The following DNAH12 variants were observed in gnomAD, a reference collection of about 807,000 sequenced individuals.
DNAH12 encodes axonemal beta dynein heavy chain 12.
DNAH12 carries 285 observed loss-of-function variants against 371.5 expected under a neutral mutation model. That is an observed-to-expected ratio of 0.77 (90% confidence interval 0.70 to 0.85). The LOEUF is 0.85. Ranked by LOEUF, DNAH12 falls within the 40% of genes least tolerant of loss-of-function variation. DNAH12 has a pLI of 0.00. For missense variants in DNAH12, 3,611 were observed against 3,689.4 expected (o/e 0.98, Z 0.55); for synonymous variants, 1,200 against 1,213.0 (o/e 0.99, Z 0.22).
At chr3:57,517,914 C>T (rs144846282) in intron 4 of DNAH12, among the ~76,000 whole-genome samples, 6 of 152,122 alleles carry the variant, frequency 3.9e-5, no homozygotes, top group African/African-American at 7.2e-5. Context: ...ATTATCCAAG[C>T]GTGGTGCCTC....
Position 57,298,011 on chromosome 3 carries a change from T to C in DNAH12, c.11395-1027A>G, listed in dbSNP as rs186319907. ...GTATTTTCAGTTCTATTATATCTCTTTTACTTCCTTTCAGGCATCCTGCAT... is the reference window on the plus strand; with the variant it reads ...GTATTTTCAGTTCTATTATATCTCTCTTACTTCCTTTCAGGCATCCTGCAT... On this transcript the variant is annotated intron_variant, in intron 70 of 73. Coordinates refer to ENST00000495027, the MANE Select transcript of DNAH12 (RefSeq NM_001366028.2). 1.9e-3 allele frequency among the ~76,000 whole-genome samples: 287 copies of C among 152,326 alleles called. 3 individuals are homozygous for C. The highest frequency in any genetic ancestry group is 0.014 in the Middle Eastern group (4 of 294).
intron 58 of DNAH12, among the ~76,000 whole-genome samples, chr3:57,362,543 T>C (rs1036607952): frequency 2.6e-5 from 4 of 152,212 alleles, no homozygotes; most frequent in African/African-American, 7.2e-5. Flanking sequence ...TTCCTGACTT[T>C]TTAATGATCG....
the DNAH12 span, among the ~76,000 whole-genome samples, chr3:57,554,668 T>A: frequency 6.6e-6 from 1 of 152,014 alleles, no homozygotes; most frequent in Non-Finnish European, 1.5e-5. Context: ...CAGGCTGGAG[T>A]GCAATGGCAT....
At chr3:57,308,667 C>A (rs566744767) in intron 69 of DNAH12, among the ~76,000 whole-genome samples, 2 of 152,246 alleles carry the variant, frequency 1.3e-5, no homozygotes, top group South Asian at 2.1e-4. Context: ...TCCAAGCCAT[C>A]ACAGCTGATA....
chr3:57,433,973 A>G, intron 30 of DNAH12, 145 bp from the exon 31 acceptor site: 1 of 678,308 alleles, frequency 1.5e-6, no homozygotes, highest in Non-Finnish European at 2.2e-6. Context: ...AAGAAAACAT[A>G]TTTAATTTCT....
At chr3:57,322,505 G>C (rs924986426) in intron 64 of DNAH12, 22 bp from the exon 65 acceptor site, 5 of 1,546,316 alleles carry the variant, frequency 3.2e-6, no homozygotes, top group Non-Finnish European at 4.4e-6. Context: ...TAAATGGAGA[G>C]CATTATACAA....
At chr3:57,506,937 T>C (rs1193818847) in intron 8 of DNAH12, among the ~76,000 whole-genome samples, 2 of 151,922 alleles carry the variant, frequency 1.3e-5, no homozygotes, top group Admixed American at 1.3e-4. Context: ...TCCTCATCTC[T>C]TTACTTTTAT....
At chr3:57,470,851 T>C (rs1221152112) in intron 15 of DNAH12, among the ~76,000 whole-genome samples, 3 of 152,110 alleles carry the variant, frequency 2.0e-5, no homozygotes, top group South Asian at 2.1e-4. Context: ...GGACTACAGA[T>C]GCGGACCACC....
intron 12 of DNAH12, among the ~76,000 whole-genome samples, chr3:57,488,937 A>ACT (rs2067025664): frequency 1.3e-5 from 2 of 150,008 alleles, no homozygotes; most frequent in African/African-American, 4.9e-5. Flanking sequence ...AGAAATCCAA[A>ACT]GTGTGTGTGT....
chr3:57,355,776 G>A (rs1053301290), intron 59 of DNAH12, among the ~76,000 whole-genome samples: 1 of 151,956 alleles, frequency 6.6e-6, no homozygotes, highest in Non-Finnish European at 1.5e-5. Flanking sequence ...AACTGAGAAG[G>A]GATTTCAATC....
Position 57,445,406 on chromosome 3 carries a change from G to A in DNAH12, c.4193C>T (p.Thr1398Ile), listed in dbSNP as rs1382123351. The stretch of plus-strand genomic sequence containing the variant: ...ATAGTTTGGAACCATCATAGCCACT[G>A]TTCTAAAAAGAACCTGAAGTATAAA... ...LPDNLKVLFRTVAMMVPNYAL... is the reference protein window; with the variant it reads ...LPDNLKVLFRIVAMMVPNYAL... The change falls in exon 28 of 74, where the codon ACA becomes ATA. Residue 1398 changes from threonine to isoleucine, a missense_variant. Transcript: ENST00000495027. 1 of 1,520,648 alleles carries A rather than the reference G, an allele frequency of 6.6e-7. No homozygotes were observed. The highest frequency in any genetic ancestry group is 2.5e-5 in the East Asian group (1 of 40,664). 94.2% of individuals were successfully genotyped at this position (1,520,648 alleles called of 1,614,324 possible).
chr3:57,351,951 C>T (rs1363336498), intron 60 of DNAH12, 134 bp downstream of exon 60: 14 of 865,798 alleles, frequency 1.6e-5, no homozygotes, highest in Non-Finnish European at 2.3e-5. Context: ...CCATTGTTAT[C>T]AGTGAAATGC....
At chr3:57,307,160 G>A (rs1003238139) in intron 69 of DNAH12, among the ~76,000 whole-genome samples, 6 of 152,110 alleles carry the variant, frequency 3.9e-5, no homozygotes, top group Non-Finnish European at 7.3e-5. Flanking sequence ...GATCGTGTCC[G>A]ACTGATCTCT....
At chr3:57,344,769 C>T (rs1368355074) in intron 60 of DNAH12, among the ~76,000 whole-genome samples, 2 of 152,026 alleles carry the variant, frequency 1.3e-5, no homozygotes, top group Non-Finnish European at 2.9e-5. Context: ...AAAAGTAGAA[C>T]AGAGTATACT....
At chr3:57,457,492 A>G (rs1359252105) in intron 22 of DNAH12, among the ~76,000 whole-genome samples, 2 of 152,152 alleles carry the variant, frequency 1.3e-5, no homozygotes, top group East Asian at 3.8e-4. Flanking sequence ...TCTAAATTAT[A>G]TACCTCTTAT....
At chr3:57,415,365 A>G (rs2064335994) in intron 38 of DNAH12, 61 bp downstream of exon 38, 1 of 1,519,692 alleles carries the variant, frequency 6.6e-7, no homozygotes, top group East Asian at 2.5e-5. Flanking sequence ...ACAATTTTAA[A>G]CACTGAGCAA....
At chr3:57,302,004 A>G in intron 69 of DNAH12, 65 bp from the exon 70 acceptor site, 1 of 1,487,038 alleles carries the variant, frequency 6.7e-7, no homozygotes, top group African/African-American at 1.4e-5. Flanking sequence ...TTTCCAGAAG[A>G]AGAACAGCAG....
At chr3:57,550,155 A>G in the DNAH12 span, among the ~76,000 whole-genome samples, 11 of 152,012 alleles carry the variant, frequency 7.2e-5, no homozygotes, top group Non-Finnish European at 1.6e-4. Flanking sequence ...TCTACAAAAA[A>G]AAGTTTTTTT....
intron 55 of DNAH12, among the ~76,000 whole-genome samples, chr3:57,373,988 C>T (rs1179513159): frequency 6.6e-6 from 1 of 152,136 alleles, no homozygotes; most frequent in Non-Finnish European, 1.5e-5. Context: ...AACAATAACT[C>T]AAACTTTCAG....
Sources: allele counts gnomAD v4.1 joint callset (sites outside exome capture counted in the v4.1 genomes callset), GRCh38; gene constraint gnomAD v4.1.1; transcripts MANE v1.5; gene names NCBI Gene and HGNC (gene_info 2026-07-23, HGNC 2026-07-21).